The following ADAMTS3 variants were observed in gnomAD, a reference collection of about 807,000 sequenced individuals.
ADAMTS3 encodes the protein A disintegrin and metalloproteinase with thrombospondin motifs 3.
In ADAMTS3, 73 loss-of-function variants were observed where a neutral mutation model predicts 129.0. That is an observed-to-expected ratio of 0.57 (90% CI 0.47 to 0.69). The LOEUF is 0.69. Ranked by LOEUF, ADAMTS3 falls within the 30% of genes least tolerant of loss-of-function variation. The pLI is 0.00. For missense variants in ADAMTS3, 1,457 were observed against 1,514.5 expected, an observed-to-expected ratio of 0.96 and a Z score of 0.63; for synonymous variants, 477 against 510.8, an observed-to-expected ratio of 0.93 and a Z score of 0.89.
intron 20 of ADAMTS3, among the ~76,000 whole-genome samples, chr4:72,290,157 T>C (rs1259777797): frequency 2.6e-4 from 40 of 152,168 alleles, no homozygotes; most frequent in Admixed American, 2.6e-3. Flanking sequence ...TCTGGACAGG[T>C]ATGCTAGGCA....
chr4:72,431,784 T>C (rs979062230), intron 3 of ADAMTS3, among the ~76,000 whole-genome samples: 1 of 151,912 alleles, frequency 6.6e-6, no homozygotes, highest in East Asian at 2.0e-4. Flanking sequence ...TATAACTATT[T>C]GGTAAAGGGG....
At chr4:72,403,741 A>T (rs547045243) in intron 4 of ADAMTS3, among the ~76,000 whole-genome samples, 1 of 152,218 alleles carries the variant, frequency 6.6e-6, no homozygotes, top group African/African-American at 2.4e-5. Context: ...TTTTTAAAAT[A>T]AAAAGCTCCT....
chr4:72,458,192 T>A (rs1718674300), intron 3 of ADAMTS3, among the ~76,000 whole-genome samples: 1 of 151,556 alleles, frequency 6.6e-6, no homozygotes, highest in Admixed American at 6.6e-5. Flanking sequence ...GGACCATATT[T>A]TAGATTATTA....
chr4:72,544,916 AATT>A (rs1266581439), intron 3 of ADAMTS3, among the ~76,000 whole-genome samples: 1 of 152,124 alleles, frequency 6.6e-6, no homozygotes, highest in Admixed American at 6.5e-5. Flanking sequence ...AATTTTTAAA[AATT>A]ATTATATCAA....
chr4:72,296,071 C>T (rs1373183717), intron 18 of ADAMTS3, among the ~76,000 whole-genome samples: 1 of 151,814 alleles, frequency 6.6e-6, no homozygotes, highest in African/African-American at 2.4e-5. Flanking sequence ...ATACGAAAAC[C>T]ACTGTGACAA....
chr4:72,388,321 G>A lies in ADAMTS3; in HGVS notation c.661+26494C>T, dbSNP rs552249168. On this transcript the variant is annotated intron_variant, in intron 4 of 21. Coordinates refer to ENST00000286657, the MANE Select transcript of ADAMTS3 (RefSeq NM_014243.3). ...TGTTTTGGTCTATGATAGGCCAGGA[G>A]AGGAACTGGTACTTCACTAATCATG... Among the ~76,000 whole-genome samples the A allele has an allele frequency of 8.5e-4, 129 of 152,310 alleles. 1 individual carries two copies. The highest frequency in any genetic ancestry group is 3.0e-3 in the African/African-American group (124 of 41,574).
At chr4:72,320,953 G>T in intron 6 of ADAMTS3, 83 bp from the exon 7 acceptor site, 2 of 1,392,602 alleles carry the variant, frequency 1.4e-6, no homozygotes, top group East Asian at 2.3e-5. Context: ...GCTGAATTTG[G>T]GATTAAAGTA....
At chr4:72,295,345 T>G (rs1718777525) in intron 19 of ADAMTS3, among the ~76,000 whole-genome samples, 1 of 151,896 alleles carries the variant, frequency 6.6e-6, no homozygotes, top group African/African-American at 2.4e-5. Flanking sequence ...GAAAATTCAA[T>G]GTATAATGTC....
At chr4:72,509,352 A>C (rs1311554534) in intron 3 of ADAMTS3, among the ~76,000 whole-genome samples, 8 of 151,958 alleles carry the variant, frequency 5.3e-5, no homozygotes, top group Non-Finnish European at 1.2e-4. Flanking sequence ...GGTTTTTGAA[A>C]AGTCAAACAA....
chr4:72,376,759 C>A (rs1362861338), intron 4 of ADAMTS3, among the ~76,000 whole-genome samples: 1 of 152,172 alleles, frequency 6.6e-6, no homozygotes, highest in African/African-American at 2.4e-5. Context: ...CCCAACCTCA[C>A]AAATTTGTTG....
At chr4:72,431,985 A>T (rs1326653689) in intron 3 of ADAMTS3, among the ~76,000 whole-genome samples, 4 of 151,896 alleles carry the variant, frequency 2.6e-5, no homozygotes, top group Non-Finnish European at 5.9e-5. Context: ...ATTAGGGATA[A>T]AAAAAGGTTA....
intron 3 of ADAMTS3, among the ~76,000 whole-genome samples, chr4:72,475,123 A>G (rs1328639167): frequency 6.6e-6 from 1 of 152,014 alleles, no homozygotes; most frequent in Non-Finnish European, 1.5e-5. Flanking sequence ...AGGAGAAAAA[A>G]ACAGAAAACA....
At chr4:72,307,715 A>G (rs16847831) in intron 15 of ADAMTS3, among the ~76,000 whole-genome samples, 22,746 of 152,034 alleles carry the variant, frequency 0.15, 3,702 homozygotes, top group African/African-American at 0.39. Context: ...GACTAAGTAG[A>G]TGATTTGAAG....
intron 2 of ADAMTS3, among the ~76,000 whole-genome samples, chr4:72,550,071 AAGAG>A (rs1560564265): frequency 2.7e-5 from 1 of 37,722 alleles, no homozygotes. Context: ...GAGGAAGAGG[AAGAG>A]GAAGAGGAAG....
intron 3 of ADAMTS3, among the ~76,000 whole-genome samples, chr4:72,427,374 A>T (rs1302014319): frequency 6.6e-6 from 1 of 152,068 alleles, no homozygotes; most frequent in South Asian, 2.1e-4. Context: ...AGTGTCAAAC[A>T]CTTCTTTCCA....
At chr4:72,426,711 C>T (rs76494528) in intron 3 of ADAMTS3, among the ~76,000 whole-genome samples, 1 of 151,966 alleles carries the variant, frequency 6.6e-6, no homozygotes, top group Non-Finnish European at 1.5e-5. Context: ...TATAGTGAGG[C>T]CCTGTCTCTA....
chr4:72,363,591 G>C (rs1247610666), intron 4 of ADAMTS3, among the ~76,000 whole-genome samples: 1 of 152,054 alleles, frequency 6.6e-6, no homozygotes, highest in African/African-American at 2.4e-5. Context: ...GTTTTTGTTT[G>C]TTTTGTTTTC....
rs963810393 is a variant in ADAMTS3, at chr4:72,520,105, T to C, written c.504+28373A>G. Among the ~76,000 whole-genome samples the C allele has an allele frequency of 3.9e-5, 6 of 152,192 alleles. No homozygotes were observed. In the East Asian group the frequency reaches 5.8e-4, roughly 15 times the overall value. On this transcript the variant is annotated intron_variant, in intron 3 of 21. Coordinates refer to ENST00000286657, the MANE Select transcript of ADAMTS3 (RefSeq NM_014243.3). Reference sequence around the variant, plus strand: ...TGTTGGAGTTTGCTAGAGGTCCACTTCAGACCCTGTTTGCCTGGGTATCAG... The same window carrying C: ...TGTTGGAGTTTGCTAGAGGTCCACTCCAGACCCTGTTTGCCTGGGTATCAG...
intron 4 of ADAMTS3, among the ~76,000 whole-genome samples, chr4:72,387,786 C>A (rs1426689093): frequency 1.3e-5 from 2 of 152,106 alleles, no homozygotes; most frequent in Non-Finnish European, 2.9e-5. Context: ...ATAAAGGGAT[C>A]CATCTCTTCC....
Sources: allele counts gnomAD v4.1 joint callset (sites outside exome capture counted in the v4.1 genomes callset), GRCh38; gene constraint gnomAD v4.1.1; transcripts MANE v1.5; gene names NCBI Gene and HGNC (gene_info 2026-07-23, HGNC 2026-07-21).